Variants in PROX1 observed in about 807,000 individuals in gnomAD.
PROX1 encodes prospero homeobox 1, also known as prospero homeobox protein 1.
In PROX1, 7 loss-of-function variants were observed where a neutral mutation model predicts 58.8. That is an observed-to-expected ratio of 0.12 (90% CI 0.07 to 0.22). The LOEUF (loss-of-function observed/expected upper bound fraction) is 0.22, where lower values mean the gene tolerates loss of function less well. Among genes scored for constraint, PROX1 ranks in the 10% least tolerant of loss-of-function variants. The pLI is 1.00. For missense variants in PROX1, 675 were observed against 927.8 expected (o/e 0.73, Z 3.54); for synonymous variants, 350 against 358.3 (o/e 0.98, Z 0.26).
intron 4 of PROX1, among the ~76,000 whole-genome samples, chr1:214,016,918 A>T (rs1156524878): frequency 6.6e-6 from 1 of 151,890 alleles, no homozygotes; most frequent in Non-Finnish European, 1.5e-5. Flanking sequence ...CTTTTTTGTC[A>T]TTGGGTTACA....
At chr1:214,026,489 A>T (rs1016914602) in intron 4 of PROX1, among the ~76,000 whole-genome samples, 2 of 152,216 alleles carry the variant, frequency 1.3e-5, no homozygotes, top group African/African-American at 4.8e-5. Flanking sequence ...TACATAATTT[A>T]AAATGTATGC....
Position 214,004,972 on chromosome 1 carries a change from C to T in PROX1, c.1726-193C>T, listed in dbSNP as rs1663654449. 2.6e-5 allele frequency among the ~76,000 whole-genome samples: 4 copies of T among 152,182 alleles called. No homozygotes were observed. In the South Asian group the frequency reaches 6.2e-4, roughly 24 times the overall value. On this transcript the variant is annotated intron_variant, in intron 2 of 4. Transcript: ENST00000366958. ...CATCCTCACCATTGCATGTGGCAAC[C>T]TCTGACAGGCGACGGTCACTGAGCA...
intron 1 of PROX1, among the ~76,000 whole-genome samples, chr1:213,994,839 C>T (rs1663197341): frequency 7.3e-6 from 1 of 137,196 alleles, no homozygotes; most frequent in South Asian, 2.4e-4. Flanking sequence ...TACCCTAAAG[C>T]AGGCTCTTTT....
At position 213,996,630 on chromosome 1, in the gene PROX1, C is replaced by T. The variant is rs189248628; in HGVS notation, c.95C>T (p.Ala32Val). The change falls in exon 2 of 5, where the codon GCA becomes GTA. Residue 32 changes from alanine (A) to valine (V), a missense_variant. Physicochemically the swap from Ala to Val is moderately conservative, Grantham distance 64. Around this residue, in one of 8 missense-constraint regions of PROX1, gnomAD observed 157 missense variants for 197.8 expected, o/e 0.79. Coordinates refer to ENST00000366958, the MANE Select transcript of PROX1 (RefSeq NM_001270616.2). ...GVKRTVGTAS[A>V]FFAKARATFF... is the part of the protein sequence containing the mutation. The stretch of plus-strand genomic sequence containing the variant: ...AAAAGGACGGTAGGGACAGCATCTG[C>T]ATTTTTTGCTAAGGCAAGAGCAACG... 6.2e-7 allele frequency: 1 copy of T among 1,614,126 alleles called. No homozygotes were observed. Among genetic ancestry groups the T allele is most frequent in the South Asian group, 1.1e-5 (1 of 91,074 alleles).
At chr1:214,023,180 G>T (rs532791452) in intron 4 of PROX1, among the ~76,000 whole-genome samples, 15 of 152,304 alleles carry the variant, frequency 9.8e-5, no homozygotes, top group African/African-American at 3.4e-4. Flanking sequence ...CTTGGCCAGG[G>T]TGGCCAAACA....
rs1558164046 is a variant in PROX1 at position 213,988,410 on chromosome 1, A to AG, written c.-141_-140insG. 2 of 106,696 alleles carry AG rather than the reference A, an allele frequency of 1.9e-5. No individual in the cohort carries two copies. Among genetic ancestry groups the AG allele is most frequent in the South Asian group, 7.2e-4 (2 of 2,770 alleles). 6.6% of individuals were successfully genotyped at this position (106,696 alleles called of 1,614,324 possible). A position where few individuals can be genotyped will look rare whatever the true frequency, so the allele number is the denominator to read the frequency against. On this transcript the variant is annotated 5_prime_UTR_variant, in exon 1 of 5. Coordinates refer to ENST00000366958, the MANE Select transcript of PROX1 (RefSeq NM_001270616.2). ...TTCCTCTCTCTGCCGGGGGAAAAAA[A>AG]AGAGAGAGAGAGAGATAGAGAGAGA...
chr1:214,011,814 C>T (rs566721997), intron 4 of PROX1, 99 bp downstream of exon 4: 103 of 1,004,852 alleles, frequency 1.0e-4, no homozygotes, highest in African/African-American at 7.9e-4. Context: ...GTGTTGGTTT[C>T]GCATACAAGC....
chr1:213,984,506 G>C (rs1004749775), upstream of PROX1: 1 of 152,256 alleles, frequency 6.6e-6, no homozygotes, highest in African/African-American at 2.4e-5. Context: ...GGGTTCCCAG[G>C]AGAGAAAACG....
At chr1:214,024,716 G>A (rs1231313793) in intron 4 of PROX1, among the ~76,000 whole-genome samples, 1 of 152,196 alleles carries the variant, frequency 6.6e-6, no homozygotes, top group Non-Finnish European at 1.5e-5. Context: ...AGCTGTGGCA[G>A]AAAACAATCA....
Position 214,035,651 on chromosome 1 carries a change from T to A in PROX1, c.2031T>A (p.Val677=). The A allele has an allele frequency of 6.2e-7, 1 of 1,611,276 alleles. No homozygotes were observed. Among genetic ancestry groups the A allele is most frequent in the Non-Finnish European group, 8.5e-7 (1 of 1,178,458 alleles). ...CCATTGTCTCCTTGTATCAGCAGGT[T>A]CCAGAGAGATTCCTGGAAGTTGCTC... The part of the protein sequence containing the change: ...MHYNKANDFE[V]PERFLEVAQI... The change falls in exon 5 of 5, where the codon GTT becomes GTA. Residue 677 remains valine (V), a splice_region_variant and synonymous_variant. Transcript: ENST00000366958.
chr1:214,033,707 C>T (rs1006948159), intron 4 of PROX1, among the ~76,000 whole-genome samples: 1 of 152,194 alleles, frequency 6.6e-6, no homozygotes, highest in Non-Finnish European at 1.5e-5. Context: ...TGTTCTCCAG[C>T]CACATTCCCT....
At chr1:214,013,655 G>A (rs1014407074) in intron 4 of PROX1, among the ~76,000 whole-genome samples, 3 of 152,106 alleles carry the variant, frequency 2.0e-5, no homozygotes, top group South Asian at 2.1e-4. Flanking sequence ...AACAGGGGAT[G>A]GCTGGCATCA....
rs1558192200 is a variant in PROX1 at position 214,037,705 on chromosome 1, C to T, written c.*1871C>T. On this transcript the variant is annotated 3_prime_UTR_variant, in exon 5 of 5. Transcript: ENST00000366958. Reference sequence around the variant, plus strand: ...TCTGCACCCGCGGCCTCACACATCTCCCAGCTCACACTCTACTAATGCACA... The same window carrying T: ...TCTGCACCCGCGGCCTCACACATCTTCCAGCTCACACTCTACTAATGCACA... The T allele has an allele frequency of 6.6e-6, 1 of 152,142 alleles. No homozygotes were observed. Among genetic ancestry groups the T allele is most frequent in the Non-Finnish European group, 1.5e-5 (1 of 68,020 alleles). The allele number at this position is 152,142 out of a possible 1,614,324, so 9.4% of individuals were successfully genotyped here.
chr1:213,988,283 C>G lies in PROX1; in HGVS notation c.-268C>G, dbSNP rs1486773061. 1 of 152,884 alleles carries G rather than the reference C, an allele frequency of 6.5e-6. No homozygotes were observed. The highest frequency in any genetic ancestry group is 1.5e-5 in the Non-Finnish European group (1 of 68,746). 9.5% of individuals were successfully genotyped at this position (152,884 alleles called of 1,614,324 possible). ...CTCTCTCTCCCCTCTCCCTCTCCCA[C>G]TCGCCCCGCTCGCTCGCTCGCTGTC... On this transcript the variant is annotated 5_prime_UTR_variant, in exon 1 of 5. Coordinates refer to ENST00000366958, the MANE Select transcript of PROX1 (RefSeq NM_001270616.2).
At chr1:214,023,603 T>A (rs539458512) in intron 4 of PROX1, among the ~76,000 whole-genome samples, 1 of 152,290 alleles carries the variant, frequency 6.6e-6, no homozygotes, top group East Asian at 1.9e-4. Flanking sequence ...ACCACCCTTT[T>A]CTTTAAATAT....
chr1:213,989,810 C>A (rs1269534180), intron 1 of PROX1: 1 of 152,460 alleles, frequency 6.6e-6, no homozygotes, highest in African/African-American at 2.4e-5. Context: ...ACTCCCAGGT[C>A]TCTGGCCCCT....
At chr1:214,003,299 G>A (rs1403115593) in intron 2 of PROX1, among the ~76,000 whole-genome samples, 1 of 152,168 alleles carries the variant, frequency 6.6e-6, no homozygotes, top group African/African-American at 2.4e-5. Flanking sequence ...TGAAAGAAAA[G>A]ATTAGAACCC....
At chr1:213,998,360 C>T (rs1333762787) in intron 2 of PROX1, 100 bp downstream of exon 2, 1 of 1,318,138 alleles carries the variant, frequency 7.6e-7, no homozygotes, top group Non-Finnish European at 1.0e-6. Flanking sequence ...TTAGTATCTT[C>T]TTAAGAAGGC....
chr1:213,998,055 A>T lies in PROX1; in HGVS notation c.1520A>T (p.Lys507Ile). 1 of 1,612,676 alleles carries T rather than the reference A, an allele frequency of 6.2e-7. No individual in the cohort carries two copies. The highest frequency in any genetic ancestry group is 1.1e-5 in the South Asian group (1 of 90,926). The change falls in exon 2 of 5, where the codon AAA (lysine) becomes ATA (isoleucine). Residue 507 changes from lysine to isoleucine, a missense_variant. Transcript: ENST00000366958. ...GCTCCCTCCGGCTCCTTCTCTGGAA[A>T]AGACAGAGCCTCTCCTGAATCCTTA... ...LGAPSGSFSG[K>I]DRASPESLDL...
Sources: gnomAD v4.1 joint callset for allele counts (sites outside exome capture counted in the v4.1 genomes callset) on GRCh38, gnomAD v4.1.1 for gene constraint, gnomAD v4.1.1 regional missense constraint, MANE v1.5 for transcripts, NCBI Gene and HGNC (gene_info 2026-07-23, HGNC 2026-07-21) for gene names.